DNAAF11: variants seen among roughly 807,000 people sequenced by gnomAD.
The protein encoded by DNAAF11 is dynein axonemal assembly factor 11, also known as leucine rich repeat containing 6.
DNAAF11 carries 45 observed loss-of-function variants against 60.8 expected under a neutral mutation model. That is an observed-to-expected ratio of 0.74 (90% CI 0.58 to 0.95). The LOEUF (loss-of-function observed/expected upper bound fraction) is 0.95. DNAAF11 is among the 40% of genes least tolerant of loss of function. The pLI, the probability that DNAAF11 is intolerant of heterozygous loss-of-function variation, is 0.00. For missense variants in DNAAF11, 546 were observed against 546.2 expected (o/e 1.00, Z 0.00); for synonymous variants, 191 against 183.5 (o/e 1.04, Z -0.33).
At chr8:132,676,116 T>C (rs1409899831), upstream of DNAAF11, among the ~76,000 whole-genome samples, 1 of 152,192 alleles carries the variant, frequency 6.6e-6, no homozygotes, top group Admixed American at 6.5e-5. Flanking sequence ...AAAGTCACTC[T>C]CCAACACTCG....
At chr8:132,645,371 A>G (rs536940834) in intron 3 of DNAAF11, among the ~76,000 whole-genome samples, 1 of 152,328 alleles carries the variant, frequency 6.6e-6, no homozygotes, top group East Asian at 1.9e-4. Flanking sequence ...ATAAAACCAC[A>G]AAGATGGGGA....
At chr8:132,580,789 A>C (rs1010997734) in intron 11 of DNAAF11, among the ~76,000 whole-genome samples, 2 of 152,212 alleles carry the variant, frequency 1.3e-5, no homozygotes, top group African/African-American at 4.8e-5. Context: ...AATTCCAAAG[A>C]AAATCCCAAT....
intron 7 of DNAAF11, among the ~76,000 whole-genome samples, chr8:132,617,460 A>T (rs1425699325): frequency 6.6e-6 from 1 of 152,198 alleles, no homozygotes; most frequent in African/African-American, 2.4e-5. Context: ...TTGTTGGTGT[A>T]TAAGAATGCT....
At chr8:132,664,791 C>T (rs573406426) in intron 1 of DNAAF11, among the ~76,000 whole-genome samples, 51 of 152,166 alleles carry the variant, frequency 3.4e-4, no homozygotes, top group Non-Finnish European at 4.1e-4. Flanking sequence ...CAAGGTATTA[C>T]GTGTGTAAAA....
intron 4 of DNAAF11, among the ~76,000 whole-genome samples, chr8:132,637,197 T>C (rs139258212): frequency 6.6e-6 from 1 of 152,294 alleles, no homozygotes; most frequent in African/African-American, 2.4e-5. Flanking sequence ...ATTACCAGAT[T>C]TTGTTAGAAA....
At chr8:132,582,033 G>A (rs2131002066) in intron 11 of DNAAF11, among the ~76,000 whole-genome samples, 1 of 152,280 alleles carries the variant, frequency 6.6e-6, no homozygotes, top group South Asian at 2.1e-4. Flanking sequence ...ACTCTGCCAA[G>A]AGATGGGCAA....
chr8:132,625,247 C>T (rs1820134714), intron 6 of DNAAF11, 25 bp downstream of exon 6: 9 of 1,543,814 alleles, frequency 5.8e-6, no homozygotes, highest in Non-Finnish European at 7.9e-6. Context: ...CTACTGCTTC[C>T]CTCTCCTAGG....
chr8:132,675,567 C>G, upstream of DNAAF11: 2 of 1,426,206 alleles, frequency 1.4e-6, no homozygotes, highest in Non-Finnish European at 1.9e-6. Context: ...TTCACCCCTG[C>G]TCCTCAGCGC....
At position 132,572,414 on chromosome 8, in the gene DNAAF11, T is replaced by G. The variant is rs139369647; in HGVS notation, c.1293A>C (p.Ile431=). ...SKHSFPDVTN[I]VQEKKHTPRR... is the part of the protein sequence containing the mutation. Reference sequence around the variant, plus strand: ...TGGGTGTGTGTTTTTTCTCTTGAACTATGTTAGTCACATCAGGGAATGAGT... The same window carrying G: ...TGGGTGTGTGTTTTTTCTCTTGAACGATGTTAGTCACATCAGGGAATGAGT... Residue 431 remains isoleucine, a synonymous_variant, in exon 12 of 12, where the codon ATA becomes ATC. Transcript: ENST00000620350. The G allele has an allele frequency of 1.7e-4, 280 of 1,613,712 alleles. No individual in the cohort carries two copies. In the African/African-American group the frequency reaches 3.4e-3, roughly 20 times the overall value.
intron 11 of DNAAF11, among the ~76,000 whole-genome samples, chr8:132,576,144 T>C (rs776069975): frequency 2.0e-5 from 3 of 152,248 alleles, no homozygotes; most frequent in Non-Finnish European, 4.4e-5. Flanking sequence ...TTTAGTGTCA[T>C]GTAAATGTAG....
chr8:132,578,035 CATT>C (rs1814939552), intron 11 of DNAAF11, among the ~76,000 whole-genome samples: 1 of 151,890 alleles, frequency 6.6e-6, no homozygotes, highest in South Asian at 2.1e-4. Context: ...TCATTATAGT[CATT>C]ATAAATAAAG....
In DNAAF11 at chr8:132,633,993, A is replaced by C. The variant is rs572897700; in HGVS notation, c.430-1030T>G. 5.9e-5 allele frequency among the ~76,000 whole-genome samples: 9 copies of C among 152,302 alleles called. No individual in the cohort carries two copies. The South Asian group carries it at 1.9e-3, about 32-fold the overall frequency. ...AAGGTGATACATTTGCATTGTTTTA[A>C]GTCACTAAGTTTGTCTCAATTTGTT... On this transcript the variant is annotated intron_variant, in intron 4 of 11. Coordinates refer to ENST00000620350, the MANE Select transcript of DNAAF11 (RefSeq NM_012472.6).
rs548958448 is a variant in DNAAF11 at position 132,672,389 on chromosome 8, C to T, written c.10+3095G>A. Among the ~76,000 whole-genome samples, 14 of 152,320 alleles carry T rather than the reference C, an allele frequency of 9.2e-5. 1 individual carries two copies. The East Asian group carries it at 2.7e-3, about 29-fold the overall frequency. The stretch of plus-strand genomic sequence containing the variant: ...CAATATTGGTCCTCCTGAGCAGACA[C>T]AAACATCAAAAATAGTGGTCTCTTC... On this transcript the variant is annotated intron_variant, in intron 1 of 11. Coordinates refer to ENST00000620350, the MANE Select transcript of DNAAF11 (RefSeq NM_012472.6).
chr8:132,599,356 C>A (rs1817356015), intron 10 of DNAAF11, among the ~76,000 whole-genome samples: 1 of 152,178 alleles, frequency 6.6e-6, no homozygotes, highest in South Asian at 2.1e-4. Context: ...CAAAGAGGAG[C>A]TGGTACCATT....
At chr8:132,583,282 T>C (rs957139368) in intron 11 of DNAAF11, among the ~76,000 whole-genome samples, 9 of 152,110 alleles carry the variant, frequency 5.9e-5, no homozygotes, top group Admixed American at 2.6e-4. Flanking sequence ...CAGCATGTCA[T>C]AGCTACATGA....
At chr8:132,650,154 G>T (rs1822854264) in intron 3 of DNAAF11, among the ~76,000 whole-genome samples, 1 of 152,234 alleles carries the variant, frequency 6.6e-6, no homozygotes, top group African/African-American at 2.4e-5. Flanking sequence ...TTAAGAAAAT[G>T]TGGCACATCA....
chr8:132,609,717 T>C lies in DNAAF11; in HGVS notation c.1140+449A>G, dbSNP rs369816931. ...GAAGAAAACCAGTCTGAGGACAGAATTGACACATCAGAAAGATCCTGACCC... is the reference window on the plus strand; with the variant it reads ...GAAGAAAACCAGTCTGAGGACAGAACTGACACATCAGAAAGATCCTGACCC... On this transcript the variant is annotated intron_variant, in intron 10 of 11. Transcript: ENST00000620350. Among the ~76,000 whole-genome samples the C allele has an allele frequency of 2.3e-4, 35 of 152,290 alleles. No individual in the cohort carries two copies. The South Asian group carries it at 6.2e-3, about 27-fold the overall frequency.
intron 2 of DNAAF11, 151 bp downstream of exon 2, chr8:132,661,309 G>GC (rs911768750): frequency 4.8e-5 from 31 of 643,164 alleles, no homozygotes; most frequent in Admixed American, 3.8e-4. Flanking sequence ...TCAGGGAAAC[G>GC]CCCCCCACAC....
intron 2 of DNAAF11, among the ~76,000 whole-genome samples, chr8:132,659,829 G>C (rs763124061): frequency 1.8e-4 from 28 of 152,044 alleles, no homozygotes; most frequent in Middle Eastern, 3.2e-3. Flanking sequence ...TTTCTTGCGG[G>C]GGGTGGGGGA....
Sources: gnomAD v4.1 joint callset for allele counts (sites outside exome capture counted in the v4.1 genomes callset) on GRCh38, gnomAD v4.1.1 for gene constraint, MANE v1.5 for transcripts, NCBI Gene and HGNC (gene_info 2026-07-23, HGNC 2026-07-21) for gene names.